ST7L: variants seen among roughly 807,000 people sequenced by gnomAD.
ST7L encodes suppressor of tumorigenicity 7 protein-like.
ST7L carries 57 observed loss-of-function variants against 72.5 expected under a neutral mutation model. The ratio of observed to expected loss-of-function variants is 0.79; its 90% confidence interval spans 0.64 to 0.98. The LOEUF (loss-of-function observed/expected upper bound fraction) is 0.98, where lower values mean the gene tolerates loss of function less well. Among genes scored for constraint, ST7L ranks in the 50% least tolerant of loss-of-function variants. The pLI is 0.00. For missense variants in ST7L, 576 were observed against 672.2 expected, an observed-to-expected ratio of 0.86 and a Z score of 1.58; for synonymous variants, 221 against 240.9, an observed-to-expected ratio of 0.92 and a Z score of 0.77.
At chr1:112,553,532 G>A (rs568184724) in intron 12 of ST7L, among the ~76,000 whole-genome samples, 3 of 152,178 alleles carry the variant, frequency 2.0e-5, no homozygotes, top group African/African-American at 7.2e-5. Flanking sequence ...TAATTTAGCA[G>A]CAATTTGGAA....
Position 112,542,006 on chromosome 1 carries a change from A to G in ST7L, c.1574T>C (p.Met525Thr). 6.2e-7 allele frequency: 1 copy of G among 1,614,032 alleles called. No homozygotes were observed. The highest frequency in any genetic ancestry group is 8.5e-7 in the Non-Finnish European group (1 of 1,179,972). ...AAACTGGTGAGTGAGAATGGCTATC[A>G]TTGCTGTAGAAGAGCAAAATCCTGC... ...FTAGFCSSTAMIAILTHQFPE... is the reference protein window; with the variant it reads ...FTAGFCSSTATIAILTHQFPE... The change falls in exon 14 of 15, where the codon ATG (methionine) becomes ACG (threonine). Residue 525 changes from methionine (M) to threonine (T), a missense_variant. Around this residue, in one of 3 missense-constraint regions of ST7L, gnomAD observed 511 missense variants for 600.7 expected, o/e 0.85. Coordinates refer to ENST00000358039, the MANE Select transcript of ST7L (RefSeq NM_017744.5).
At chr1:112,617,755 A>ACG (rs1557716904) in intron 1 of ST7L, among the ~76,000 whole-genome samples, 3 of 148,214 alleles carry the variant, frequency 2.0e-5, no homozygotes, top group African/African-American at 7.5e-5. Flanking sequence ...ACACACACAC[A>ACG]CGAAACGTAA....
At chr1:112,551,744 T>C (rs1257430984) in intron 12 of ST7L, among the ~76,000 whole-genome samples, 1 of 152,204 alleles carries the variant, frequency 6.6e-6, no homozygotes, top group African/African-American at 2.4e-5. Flanking sequence ...ATTGATCTAT[T>C]CCATTAGCTA....
intron 11 of ST7L, among the ~76,000 whole-genome samples, chr1:112,567,941 G>A (rs918300969): frequency 2.0e-5 from 3 of 152,098 alleles, no homozygotes; most frequent in African/African-American, 7.2e-5. Context: ...AGATCTTAAA[G>A]TTGGGCGATA....
Position 112,598,024 on chromosome 1 carries a change from T to C in ST7L, c.569A>G (p.Asp190Gly), listed in dbSNP as rs746717918. 2 of 1,613,660 alleles carry C rather than the reference T, an allele frequency of 1.2e-6. No individual in the cohort carries two copies. The highest frequency in any genetic ancestry group is 1.3e-5 in the African/African-American group (1 of 74,914). Residue 190 changes from aspartate (D) to glycine (G), a missense_variant, in exon 5 of 15, where the codon GAC becomes GGC. By Grantham distance (94) the Asp-to-Gly change is moderately conservative. This residue lies in a region of ST7L where 511 missense variants were observed against 600.7 expected (regional missense o/e 0.85). Transcript: ENST00000358039. Reference sequence around the variant, plus strand: ...GTCACAGGTGAAAAAGGTCTGATGGTCCTGAGCTGACAGGTTCATGTCATA... The same window carrying C: ...GTCACAGGTGAAAAAGGTCTGATGGCCCTGAGCTGACAGGTTCATGTCATA... ...TYYDMNLSAQ[D>G]HQTFFTCDTD...
At chr1:112,582,295 CA>C (rs1298435986) in intron 8 of ST7L, 79 bp downstream of exon 8, 1 of 1,057,534 alleles carries the variant, frequency 9.5e-7, no homozygotes, top group Admixed American at 2.2e-5. Flanking sequence ...AATGATTCTG[CA>C]TTAAAATAAC....
chr1:112,543,403 G>A (rs554519887), intron 13 of ST7L, among the ~76,000 whole-genome samples: 1 of 152,020 alleles, frequency 6.6e-6, no homozygotes, highest in South Asian at 2.1e-4. Context: ...TAAAAATTAG[G>A]TGGGCGTGGT....
At position 112,531,486 on chromosome 1, in the gene ST7L, C is replaced by G. The variant is rs528962285; in HGVS notation, c.1630-5375G>C. 8.5e-5 allele frequency among the ~76,000 whole-genome samples: 13 copies of G among 152,336 alleles called. No homozygotes were observed. The South Asian group carries it at 2.3e-3, about 27-fold the overall frequency. ...TTCTATATGTTCTTGCTTGACCTAA[C>G]CGAATAAATTCTTCTGAAAGGAAGC... On this transcript the variant is annotated intron_variant, in intron 14 of 14. Coordinates refer to ENST00000358039, the MANE Select transcript of ST7L (RefSeq NM_017744.5).
intron 14 of ST7L, chr1:112,540,763 A>G: frequency 7.9e-7 from 1 of 1,268,892 alleles, no homozygotes; most frequent in Non-Finnish European, 1.0e-6. Context: ...AGAGAAAAAT[A>G]CAGAAAATAC....
intron 11 of ST7L, among the ~76,000 whole-genome samples, chr1:112,566,403 T>C (rs1661056307): frequency 1.3e-5 from 2 of 149,744 alleles, no homozygotes; most frequent in Non-Finnish European, 3.0e-5. Flanking sequence ...GTTCAAGTGA[T>C]TCTCCTGCCT....
At chr1:112,586,254 C>T (rs1571181495) in intron 6 of ST7L, among the ~76,000 whole-genome samples, 1 of 152,130 alleles carries the variant, frequency 6.6e-6, no homozygotes, top group East Asian at 1.9e-4. Flanking sequence ...ACAACGAGAC[C>T]CTCTCTCTAT....
At chr1:112,609,912 G>T (rs1210852696) in intron 3 of ST7L, among the ~76,000 whole-genome samples, 1 of 152,276 alleles carries the variant, frequency 6.6e-6, no homozygotes, top group South Asian at 2.1e-4. Flanking sequence ...CATCCATGAA[G>T]AGCTGAGACT....
intron 13 of ST7L, among the ~76,000 whole-genome samples, chr1:112,548,881 T>C (rs1657605581): frequency 6.6e-6 from 1 of 152,232 alleles, no homozygotes; most frequent in South Asian, 2.1e-4. Flanking sequence ...ATCATAATCC[T>C]ACATATTTCC....
Position 112,578,198 on chromosome 1 carries a change from C to T in ST7L, c.1142+147G>A, listed in dbSNP as rs568698416. 3.8e-4 allele frequency: 279 copies of T among 740,456 alleles called. 4 individuals are homozygous for T. In the South Asian group the frequency reaches 5.0e-3, roughly 13 times the overall value. The allele number at this position is 740,456 out of a possible 1,614,324, so 45.9% of individuals were successfully genotyped here. Reference sequence around the variant, plus strand: ...AAAACTTTGCTCTTTCCACTACACACAGCAAGAAGCCTAAAAGCCCAAGAA... The same window carrying T: ...AAAACTTTGCTCTTTCCACTACACATAGCAAGAAGCCTAAAAGCCCAAGAA... On this transcript the variant is annotated intron_variant, in intron 10 of 14. Coordinates refer to ENST00000358039, the MANE Select transcript of ST7L (RefSeq NM_017744.5).
chr1:112,604,775 TAAAAAAAAAAA>T lies in ST7L; in HGVS notation c.452-3938_452-3928del, dbSNP rs556388277. On this transcript the variant is annotated intron_variant, in intron 3 of 14. Transcript: ENST00000358039. ...CAACATAGTGAGGCCTTGTCTCTCTTAAAAAAAAAAAAAAAAAAAAAAAAAAAAGACTGGGC... is the reference window on the plus strand; with the variant it reads ...CAACATAGTGAGGCCTTGTCTCTCTTAAAAAAAAAAAAAAAAAGACTGGGC... Among the ~76,000 whole-genome samples the T allele has an allele frequency of 9.6e-3, 567 of 58,792 alleles. 7 individuals are homozygous for T. The highest frequency in any genetic ancestry group is 0.013 in the Admixed American group (50 of 3,728). 38.6% of individuals were successfully genotyped at this position (58,792 alleles called of 152,430 possible). A position where few individuals can be genotyped will look rare whatever the true frequency, so the allele number is the denominator to read the frequency against.
At chr1:112,552,651 A>G (rs1983693) in intron 12 of ST7L, among the ~76,000 whole-genome samples, 152,138 of 152,300 alleles carry the variant, frequency 1, 75,988 homozygotes, top group Middle Eastern at 1. Flanking sequence ...TGATCCGCCC[A>G]CCTCAGCCTC....
chr1:112,556,966 C>CAAAAAAAAAAAAA lies in ST7L; in HGVS notation c.1246-961_1246-949dup, dbSNP rs60106072. On this transcript the variant is annotated intron_variant, in intron 11 of 14. Transcript: ENST00000358039. The stretch of plus-strand genomic sequence containing the variant: ...CTGGCGACAGAGCGAGACTCTGTCT[C>CAAAAAAAAAAAAA]AAAAAAAAAAAAAAAAAACAAAAAA... 5.6e-3 allele frequency among the ~76,000 whole-genome samples: 275 copies of CAAAAAAAAAAAAA among 49,538 alleles called. 8 individuals carry two copies. The highest frequency in any genetic ancestry group is 8.0e-3 in the Non-Finnish European group (195 of 24,256). 32.5% of individuals were successfully genotyped at this position (49,538 alleles called of 152,430 possible).
intron 9 of ST7L, among the ~76,000 whole-genome samples, chr1:112,578,779 AAAAACAAAAC>A (rs927324157): frequency 9.8e-5 from 15 of 152,344 alleles, no homozygotes; most frequent in Non-Finnish European, 1.9e-4. Flanking sequence ...CGTCTCCAAA[AAAAACAAAAC>A]AAAACAAAAC....
intron 14 of ST7L, chr1:112,527,303 A>C (rs1343535898): frequency 1.3e-5 from 2 of 152,316 alleles, no homozygotes; most frequent in African/African-American, 4.8e-5. Context: ...CACCTCATGA[A>C]AACAGTCTAC....
Sources: gnomAD v4.1 joint callset for allele counts (sites outside exome capture counted in the v4.1 genomes callset) on GRCh38, gnomAD v4.1.1 for gene constraint, gnomAD v4.1.1 regional missense constraint, MANE v1.5 for transcripts, NCBI Gene and HGNC (gene_info 2026-07-23, HGNC 2026-07-21) for gene names.